The following FAM124A variants were observed in gnomAD, a reference collection of about 807,000 sequenced individuals.
FAM124A encodes the protein protein FAM124A.
A neutral mutation model predicts 24.5 loss-of-function variants in FAM124A; 23 were observed. The observed-to-expected ratio is 0.94, with a 90% CI of 0.68 to 1.33. The LOEUF (loss-of-function observed/expected upper bound fraction) is 1.33. Among genes scored for constraint, FAM124A ranks in the 40% most tolerant of loss-of-function variants. FAM124A has a pLI of 0.00. For synonymous variants in FAM124A, 287 were observed against 314.7 expected (o/e 0.91, Z 0.93); for missense variants, 623 against 722.8 (o/e 0.86, Z 1.58).
intron 3 of FAM124A, among the ~76,000 whole-genome samples, chr13:51,269,788 A>G (rs1387255609): frequency 6.6e-6 from 1 of 152,212 alleles, no homozygotes; most frequent in Non-Finnish European, 1.5e-5. Context: ...AATTAATTGC[A>G]TGTTAATTTT....
In FAM124A at chr13:51,282,938, GC is replaced by G. The variant is rs1475297758; in HGVS notation, c.*1684del. ...CTAGATAATAAGTATTTTAGGCTTT[GC>G]CAGTCATATGGTCTCTTGCAGCTAC... On this transcript the variant is annotated 3_prime_UTR_variant, in exon 4 of 4. Coordinates refer to ENST00000322475, the MANE Select transcript of FAM124A (RefSeq NM_001242312.2). 1 of 142,838 alleles carries G rather than the reference GC, an allele frequency of 7.0e-6. No homozygotes were observed. Among genetic ancestry groups the G allele is most frequent in the Non-Finnish European group, 1.5e-5 (1 of 66,874 alleles). 8.8% of individuals were successfully genotyped at this position (142,838 alleles called of 1,614,324 possible).
At chr13:51,264,545 G>A (rs4471577) in intron 3 of FAM124A, among the ~76,000 whole-genome samples, 60,204 of 151,758 alleles carry the variant, frequency 0.4, 12,405 homozygotes, top group Admixed American at 0.48. Context: ...GATCACTTGC[G>A]CCCAGGAGTT....
intron 1 of FAM124A, among the ~76,000 whole-genome samples, chr13:51,227,643 C>T (rs763915027): frequency 1.1e-4 from 16 of 152,170 alleles, no homozygotes; most frequent in Non-Finnish European, 1.6e-4. Context: ...CTTGTAAACC[C>T]AAATAAAAGC....
chr13:51,272,470 T>G lies in FAM124A; in HGVS notation c.835-7980T>G, dbSNP rs1269175963. On this transcript the variant is annotated intron_variant, in intron 3 of 3. Transcript: ENST00000322475. The surrounding 1 kb of genome is among the most constrained non-coding windows in gnomAD (Gnocchi z 4.2). ...TAGATGAGAGAGTGGAAAAATTGGT[T>G]TAGAAGTTTGTACAGAAAGCAATTG... Among the ~76,000 whole-genome samples the G allele has an allele frequency of 6.6e-6, 1 of 151,888 alleles. No individual in the cohort carries two copies.
At chr13:51,253,306 CA>C (rs1309100094) in intron 3 of FAM124A, 1 of 152,196 alleles carries the variant, frequency 6.6e-6, no homozygotes, top group Non-Finnish European at 1.5e-5. Context: ...GAATTTGGCA[CA>C]TGTCAGATAA....
Position 51,282,991 on chromosome 13 carries a change from C to T in FAM124A, c.*1735C>T, listed in dbSNP as rs1954954712. ...CAACTCTGCCACTGTAGTATGAAAG[C>T]AGCCATGAGTAATATGTTAATGAAT... is the stretch of plus-strand genomic sequence containing the variant. On this transcript the variant is annotated 3_prime_UTR_variant, in exon 4 of 4. Coordinates refer to ENST00000322475, the MANE Select transcript of FAM124A (RefSeq NM_001242312.2). The T allele has an allele frequency of 6.6e-6, 1 of 152,154 alleles. No homozygotes were observed. Among genetic ancestry groups the T allele is most frequent in the African/African-American group, 2.4e-5 (1 of 41,432 alleles). 9.4% of individuals were successfully genotyped at this position (152,154 alleles called of 1,614,324 possible). A position where few individuals can be genotyped will look rare whatever the true frequency, so the allele number is the denominator to read the frequency against.
chr13:51,268,176 A>G (rs963648560), intron 3 of FAM124A, among the ~76,000 whole-genome samples: 18 of 152,226 alleles, frequency 1.2e-4, no homozygotes, highest in African/African-American at 3.9e-4. Flanking sequence ...AGTTCATTCA[A>G]TCTCTTTTCT....
At position 51,281,706 on chromosome 13, in the gene FAM124A, C is replaced by T. The variant is rs1425974422; in HGVS notation, c.*450C>T. ...GGGATTACTGCATAATAACGTAACG[C>T]ACACCTTACTGGATTCTCCATATAT... is the stretch of plus-strand genomic sequence containing the variant. On this transcript the variant is annotated 3_prime_UTR_variant, in exon 4 of 4. Coordinates refer to ENST00000322475, the MANE Select transcript of FAM124A (RefSeq NM_001242312.2). 6.4e-6 allele frequency: 1 copy of T among 155,304 alleles called. No individual in the cohort carries two copies. Among genetic ancestry groups the T allele is most frequent in the African/African-American group, 2.4e-5 (1 of 41,476 alleles). 9.6% of individuals were successfully genotyped at this position (155,304 alleles called of 1,614,324 possible). A position where few individuals can be genotyped will look rare whatever the true frequency, so the allele number is the denominator to read the frequency against.
intron 3 of FAM124A, among the ~76,000 whole-genome samples, chr13:51,274,648 G>A (rs1461746915): frequency 6.6e-6 from 1 of 151,808 alleles, no homozygotes; most frequent in Non-Finnish European, 1.5e-5. Flanking sequence ...ATGATATATA[G>A]GCATATATCA....
At position 51,272,736 on chromosome 13, in the gene FAM124A, C is replaced by G. The variant is rs1438498387; in HGVS notation, c.835-7714C>G. Among the ~76,000 whole-genome samples the G allele has an allele frequency of 2.0e-5, 3 of 152,212 alleles. No homozygotes were observed. The highest frequency in any genetic ancestry group is 3.4e-3 in the Middle Eastern group (1 of 294). ...GAGTGCTAGACCGCAGGACGCCAAG[C>G]ACAGTCAAGGTGGGAGTGCCATACT... On this transcript the variant is annotated intron_variant, in intron 3 of 3. Coordinates refer to ENST00000322475, the MANE Select transcript of FAM124A (RefSeq NM_001242312.2). This position sits in a 1 kb window ranked among gnomAD's most constrained non-coding sequence, Gnocchi z 4.2.
At chr13:51,279,133 AT>A (rs755186264) in intron 3 of FAM124A, among the ~76,000 whole-genome samples, 49 of 152,366 alleles carry the variant, frequency 3.2e-4, no homozygotes, top group Admixed American at 1.1e-3. Context: ...ATTTGAATTA[AT>A]AAACATTGTC....
intron 2 of FAM124A, among the ~76,000 whole-genome samples, chr13:51,234,133 C>G (rs1461878808): frequency 2.6e-5 from 4 of 152,214 alleles, no homozygotes. Context: ...AGAGTTAATT[C>G]TAATCATTCA....
In FAM124A at chr13:51,252,655, G is replaced by T. The variant is rs546288367; in HGVS notation, c.834+454G>T. ...TGGAAATTTTAAAATATATATTGAT[G>T]TTCATAGAGGAGATAGCTGTTCTCT... On this transcript the variant is annotated intron_variant, in intron 3 of 3. Transcript: ENST00000322475. The T allele has an allele frequency of 5.1e-4, 85 of 165,804 alleles. 1 individual carries two copies. Among genetic ancestry groups the T allele is most frequent in the Admixed American group, 4.4e-3 (78 of 17,618 alleles). The allele number at this position is 165,804 out of a possible 1,614,324, so 10.3% of individuals were successfully genotyped here.
Position 51,282,146 on chromosome 13 carries a change from C to A in FAM124A, c.*890C>A, listed in dbSNP as rs1417920561. 6.6e-6 allele frequency: 1 copy of A among 152,224 alleles called. No individual in the cohort carries two copies. The highest frequency in any genetic ancestry group is 1.5e-5 in the Non-Finnish European group (1 of 68,052). The allele number at this position is 152,224 out of a possible 1,614,324, so 9.4% of individuals were successfully genotyped here. ...TCCTTCAACTTTCAAAAACCACAGT[C>A]TAAGGACTATATTCAAATGACAAGA... On this transcript the variant is annotated 3_prime_UTR_variant, in exon 4 of 4. Transcript: ENST00000322475.
At chr13:51,224,411 C>T (rs1367697606) in intron 1 of FAM124A, among the ~76,000 whole-genome samples, 1 of 152,148 alleles carries the variant, frequency 6.6e-6, no homozygotes, top group Non-Finnish European at 1.5e-5. Context: ...GCGGAGGTTG[C>T]CATGAGCTGA....
At chr13:51,259,633 A>C (rs551226556) in intron 3 of FAM124A, among the ~76,000 whole-genome samples, 1 of 152,228 alleles carries the variant, frequency 6.6e-6, no homozygotes, top group South Asian at 2.1e-4. Flanking sequence ...AGTGAAACGC[A>C]GTTGTCCCTC....
chr13:51,271,115 C>T (rs992710392), intron 3 of FAM124A, among the ~76,000 whole-genome samples: 1 of 152,164 alleles, frequency 6.6e-6, no homozygotes, highest in Non-Finnish European at 1.5e-5. Context: ...GTTCAACATA[C>T]TTTAGCCAAG....
intron 2 of FAM124A, among the ~76,000 whole-genome samples, chr13:51,239,954 C>T (rs192374525): frequency 9.8e-5 from 15 of 152,328 alleles, no homozygotes; most frequent in African/African-American, 3.6e-4. Context: ...GCTGCCCTCA[C>T]TGGAAGTGTG....
At chr13:51,266,577 G>C (rs977410575) in intron 3 of FAM124A, among the ~76,000 whole-genome samples, 6 of 152,198 alleles carry the variant, frequency 3.9e-5, no homozygotes, top group African/African-American at 1.4e-4. Flanking sequence ...CAAGTTTATA[G>C]CAATTGTAAA....
Sources: allele counts gnomAD v4.1 joint callset (sites outside exome capture counted in the v4.1 genomes callset), GRCh38; gene constraint gnomAD v4.1.1; non-coding constraint Gnocchi (gnomAD v3.1); transcripts MANE v1.5; gene names NCBI Gene and HGNC (gene_info 2026-07-23, HGNC 2026-07-21).